The following KLRF1 variants were observed in gnomAD, a reference collection of about 807,000 sequenced individuals.
The protein encoded by KLRF1 is killer cell lectin-like receptor subfamily F member 1.
In KLRF1, 27 loss-of-function variants were observed where a neutral mutation model predicts 30.7. The ratio of observed to expected loss-of-function variants is 0.88; its 90% CI spans 0.65 to 1.21. The LOEUF is 1.21. Ranked by LOEUF, KLRF1 falls within the 50% of genes most tolerant of loss-of-function variation. The pLI, the probability that KLRF1 is intolerant of heterozygous loss-of-function variation, is 0.00. For synonymous variants in KLRF1, 92 were observed against 89.3 expected, an observed-to-expected ratio of 1.03 and a Z score of -0.17; for missense variants, 246 against 259.3, an observed-to-expected ratio of 0.95 and a Z score of 0.35.
intron 3 of KLRF1, among the ~76,000 whole-genome samples, chr12:9,838,721 A>G (rs1371852744): frequency 6.6e-6 from 1 of 152,160 alleles, no homozygotes; most frequent in Non-Finnish European, 1.5e-5. Context: ...TAAAGCCACT[A>G]CTAGAGAGTG....
the KLRF1 span, among the ~76,000 whole-genome samples, chr12:9,804,780 A>C: frequency 6.6e-6 from 1 of 152,002 alleles, no homozygotes; most frequent in South Asian, 2.1e-4. Context: ...TTTTTTGTAG[A>C]TGTTCTGTAT....
In KLRF1 at chr12:9,841,970, G is replaced by A. The variant is rs1235148288; in HGVS notation, c.474+19G>A. The A allele has an allele frequency of 6.3e-7, 1 of 1,591,342 alleles. No homozygotes were observed. Among genetic ancestry groups the A allele is most frequent in the African/African-American group, 1.4e-5 (1 of 73,670 alleles). The stretch of plus-strand genomic sequence containing the variant: ...TGAAATGGTAATTGGTCTAGTATCA[G>A]GGTTATGGCATCTTTGCAGTAAAAA... On this transcript the variant is annotated intron_variant, in intron 4 of 5. Transcript: ENST00000617889.
the KLRF1 span, among the ~76,000 whole-genome samples, chr12:9,819,056 G>T: frequency 6.6e-6 from 1 of 152,174 alleles, no homozygotes; most frequent in East Asian, 1.9e-4. Flanking sequence ...CTGAGCACCT[G>T]GGGGAGCACA....
chr12:9,832,656 A>AGAGTGT (rs375377655), intron 2 of KLRF1, among the ~76,000 whole-genome samples: 2 of 146,614 alleles, frequency 1.4e-5, no homozygotes, highest in Non-Finnish European at 3.0e-5. Context: ...GTATGTGTAG[A>AGAGTGT]GTGTGTGTGT....
chr12:9,802,276 A>G, the KLRF1 span, among the ~76,000 whole-genome samples: 1 of 152,122 alleles, frequency 6.6e-6, no homozygotes, highest in Non-Finnish European at 1.5e-5. Flanking sequence ...GGCCTTTGAT[A>G]AAATTCAACA....
chr12:9,841,167 T>C (rs1867692964), intron 3 of KLRF1, among the ~76,000 whole-genome samples: 1 of 152,096 alleles, frequency 6.6e-6, no homozygotes, highest in Non-Finnish European at 1.5e-5. Context: ...TGCAGAAACA[T>C]GGATGGAGCT....
the KLRF1 span, among the ~76,000 whole-genome samples, chr12:9,805,486 T>C: frequency 6.6e-6 from 1 of 152,054 alleles, no homozygotes; most frequent in Admixed American, 6.6e-5. Context: ...CTTTTAATAC[T>C]ATTGCGTTGA....
At chr12:9,809,817 GT>G in the KLRF1 span, among the ~76,000 whole-genome samples, 5,325 of 151,566 alleles carry the variant, frequency 0.035, 274 homozygotes, top group African/African-American at 0.12. Flanking sequence ...TGATAAATCT[GT>G]TTTTTTTAAT....
the KLRF1 span, among the ~76,000 whole-genome samples, chr12:9,813,938 C>G: frequency 2.0e-5 from 3 of 152,152 alleles, no homozygotes; most frequent in Non-Finnish European, 4.4e-5. Context: ...TCCCACACAC[C>G]TCCTGGACCA....
chr12:9,835,480 G>C (rs763564331), intron 3 of KLRF1, among the ~76,000 whole-genome samples: 1 of 152,028 alleles, frequency 6.6e-6, no homozygotes, highest in Non-Finnish European at 1.5e-5. Flanking sequence ...TTCGGGGCTG[G>C]GTATAAGTAA....
chr12:9,811,177 CAA>C, the KLRF1 span, among the ~76,000 whole-genome samples: 12 of 127,336 alleles, frequency 9.4e-5, no homozygotes, highest in East Asian at 2.2e-4. Flanking sequence ...GAGTAGAAAG[CAA>C]AAAAAAAAAA....
the KLRF1 span, among the ~76,000 whole-genome samples, chr12:9,800,626 A>G: frequency 9.2e-5 from 14 of 152,026 alleles, no homozygotes; most frequent in Admixed American, 2.0e-4. Flanking sequence ...GATATTGATC[A>G]TATTTTAATA....
chr12:9,835,360 AC>A (rs1227472664), intron 3 of KLRF1, among the ~76,000 whole-genome samples: 3 of 152,052 alleles, frequency 2.0e-5, no homozygotes, highest in Non-Finnish European at 4.4e-5. Flanking sequence ...GGCGGCAGCC[AC>A]CAGAGGTTGT....
chr12:9,815,096 A>G, the KLRF1 span, among the ~76,000 whole-genome samples: 1 of 152,212 alleles, frequency 6.6e-6, no homozygotes, highest in Non-Finnish European at 1.5e-5. Context: ...TATGACATGT[A>G]CCTTAGAGAT....
upstream of KLRF1, among the ~76,000 whole-genome samples, chr12:9,826,709 T>C (rs965104472): frequency 1.3e-5 from 2 of 152,212 alleles, no homozygotes; most frequent in Non-Finnish European, 2.9e-5. Flanking sequence ...AATGAGATGA[T>C]GTCCATTGCA....
chr12:9,801,551 G>A, the KLRF1 span, among the ~76,000 whole-genome samples: 1 of 152,040 alleles, frequency 6.6e-6, no homozygotes, highest in Non-Finnish European at 1.5e-5. Context: ...TGAATGGTGT[G>A]AGATGGTATC....
chr12:9,812,078 G>A, the KLRF1 span, among the ~76,000 whole-genome samples: 1 of 152,148 alleles, frequency 6.6e-6, no homozygotes, highest in Non-Finnish European at 1.5e-5. Context: ...TTATAAGATT[G>A]GGTCTGGCCG....
upstream of KLRF1, among the ~76,000 whole-genome samples, chr12:9,826,107 G>T (rs2121183401): frequency 6.6e-6 from 1 of 152,134 alleles, no homozygotes; most frequent in African/African-American, 2.4e-5. Context: ...ATTTAAAAGG[G>T]TATATTGTGT....
chr12:9,824,293 C>T (rs1424863728), upstream of KLRF1, among the ~76,000 whole-genome samples: 1 of 152,186 alleles, frequency 6.6e-6, no homozygotes, highest in Non-Finnish European at 1.5e-5. Context: ...GACATTATCT[C>T]TGGGATGCAA....
Sources: allele counts gnomAD v4.1 joint callset (sites outside exome capture counted in the v4.1 genomes callset), GRCh38; gene constraint gnomAD v4.1.1; transcripts MANE v1.5; gene names NCBI Gene and HGNC (gene_info 2026-07-23, HGNC 2026-07-21).